JARID2: variants seen among roughly 807,000 people sequenced by gnomAD.
The protein encoded by JARID2 is protein Jumonji.
In JARID2, 21 loss-of-function variants were observed where a neutral mutation model predicts 125.6. The ratio of observed to expected loss-of-function variants is 0.17; its 90% CI spans 0.12 to 0.24. The LOEUF (loss-of-function observed/expected upper bound fraction) is 0.24. JARID2 is among the 10% of genes least tolerant of loss of function. The pLI is 1.00. For synonymous variants in JARID2, 736 were observed against 661.6 expected (o/e 1.11, Z -1.73); for missense variants, 1,303 against 1,639.6 (o/e 0.79, Z 3.55).
intron 5 of JARID2, among the ~76,000 whole-genome samples, chr6:15,483,752 C>G (rs1769734560): frequency 6.6e-6 from 1 of 151,838 alleles, no homozygotes; most frequent in Non-Finnish European, 1.5e-5. Context: ...TTTTTATTTC[C>G]CTTGTGTACA....
intron 12 of JARID2, chr6:15,509,258 G>T (rs1771159140): frequency 1.2e-5 from 14 of 1,202,410 alleles, no homozygotes; most frequent in African/African-American, 1.6e-5. Flanking sequence ...CAAATAATCA[G>T]ATGTCTTGTC....
intron 1 of JARID2, among the ~76,000 whole-genome samples, chr6:15,332,104 G>T (rs1007790407): frequency 2.6e-5 from 4 of 151,944 alleles, no homozygotes; most frequent in African/African-American, 9.7e-5. Flanking sequence ...GTTGCTCTTC[G>T]CCATATGTCA....
intron 1 of JARID2, among the ~76,000 whole-genome samples, chr6:15,307,193 G>C (rs2127421077): frequency 6.6e-6 from 1 of 152,194 alleles, no homozygotes; most frequent in East Asian, 2.0e-4. Context: ...AGTGAGCCGA[G>C]ACAGTTCCAC....
At chr6:15,289,953 AAAG>A (rs1325516102) in intron 1 of JARID2, among the ~76,000 whole-genome samples, 2 of 152,226 alleles carry the variant, frequency 1.3e-5, no homozygotes, top group African/African-American at 2.4e-5. Context: ...GTCTTCATGG[AAAG>A]AAGGAGGGAG....
intron 1 of JARID2, among the ~76,000 whole-genome samples, chr6:15,354,186 C>T (rs1320657129): frequency 6.6e-6 from 1 of 152,038 alleles, no homozygotes; most frequent in African/African-American, 2.4e-5. Context: ...GGCTCACTGT[C>T]AGAGCAAAAA....
At chr6:15,266,518 T>A (rs1469257613) in intron 1 of JARID2, among the ~76,000 whole-genome samples, 1 of 152,188 alleles carries the variant, frequency 6.6e-6, no homozygotes, top group Non-Finnish European at 1.5e-5. Flanking sequence ...TCATGGTCAT[T>A]GTTGTCAGCC....
At chr6:15,463,966 A>G (rs1283470889) in intron 4 of JARID2, among the ~76,000 whole-genome samples, 2 of 152,184 alleles carry the variant, frequency 1.3e-5, no homozygotes, top group Non-Finnish European at 2.9e-5. Context: ...TGAGATAATC[A>G]AGCTGGTATG....
chr6:15,413,144 C>T (rs543577600), intron 3 of JARID2, among the ~76,000 whole-genome samples: 246 of 151,326 alleles, frequency 1.6e-3, no homozygotes, highest in Non-Finnish European at 2.9e-3. Flanking sequence ...CTCAGCCTTC[C>T]GAGTAGCTGG....
intron 1 of JARID2, among the ~76,000 whole-genome samples, chr6:15,290,971 T>G (rs869251624): frequency 2.0e-5 from 3 of 152,046 alleles, no homozygotes; most frequent in Admixed American, 6.6e-5. Context: ...CCAGGTGCTG[T>G]GTGTAAGCCC....
chr6:15,471,230 C>T (rs1018023122), intron 5 of JARID2, among the ~76,000 whole-genome samples: 2 of 152,044 alleles, frequency 1.3e-5, no homozygotes, highest in African/African-American at 2.4e-5. Flanking sequence ...GAGAGACAAC[C>T]GAATTATTGA....
rs748623220 is a variant in JARID2, at chr6:15,497,073, G to A, written c.1848G>A (p.Lys616=). The A allele has an allele frequency of 9.6e-5, 154 of 1,600,318 alleles. 2 individuals are homozygous for A. The Middle Eastern group carries it at 1.5e-3, about 15-fold the overall frequency. Residue 616 remains lysine, a synonymous_variant, in exon 7 of 18, where the codon AAG becomes AAA. Coordinates refer to ENST00000341776, the MANE Select transcript of JARID2 (RefSeq NM_004973.4). ...TCACGCAGATTCAGCACATCCACAA[G>A]CTGGGCCGGCGCTGGGGCCCCAACG... ...RFVTQIQHIH[K]LGRRWGPNVQ... is the part of the protein sequence containing the mutation.
intron 4 of JARID2, among the ~76,000 whole-genome samples, chr6:15,452,432 T>C (rs1023037155): frequency 2.6e-5 from 4 of 152,214 alleles, no homozygotes; most frequent in African/African-American, 4.8e-5. Flanking sequence ...TGCACAATTA[T>C]GCAGTTTCTA....
At chr6:15,499,417 C>A (rs1002035706) in intron 7 of JARID2, among the ~76,000 whole-genome samples, 1 of 152,194 alleles carries the variant, frequency 6.6e-6, no homozygotes, top group Non-Finnish European at 1.5e-5. Context: ...AGAATTCTTG[C>A]AAGCGCTGTG....
In JARID2 at chr6:15,491,601, T is replaced by G. The variant is rs1238523980; in HGVS notation, c.906+4059T>G. Among the ~76,000 whole-genome samples the G allele has an allele frequency of 2.0e-5, 3 of 152,262 alleles. No individual in the cohort carries two copies. The East Asian group carries it at 5.8e-4, about 29-fold the overall frequency. Reference sequence around the variant, plus strand: ...TGGAGAAGAAGAACTTGCCAGTGAATCTGAGGTTGAACTGAGGACAGCGTC... The same window carrying G: ...TGGAGAAGAAGAACTTGCCAGTGAAGCTGAGGTTGAACTGAGGACAGCGTC... On this transcript the variant is annotated intron_variant, in intron 6 of 17. Transcript: ENST00000341776.
intron 3 of JARID2, among the ~76,000 whole-genome samples, chr6:15,433,500 G>A (rs1011064399): frequency 6.6e-6 from 1 of 150,440 alleles, no homozygotes; most frequent in African/African-American, 2.5e-5. Flanking sequence ...CCTACCTAAG[G>A]GCATGTCATC....
chr6:15,411,169 C>T (rs1163814425), intron 3 of JARID2, among the ~76,000 whole-genome samples: 6 of 138,598 alleles, frequency 4.3e-5, no homozygotes, highest in Non-Finnish European at 7.8e-5. Flanking sequence ...TGTTCGTTTC[C>T]GGGATTGAAG....
intron 3 of JARID2, among the ~76,000 whole-genome samples, chr6:15,416,403 G>C (rs1347712568): frequency 1.3e-5 from 2 of 152,218 alleles, no homozygotes; most frequent in African/African-American, 4.8e-5. Context: ...GCACCATTGA[G>C]CACTGAGTGA....
chr6:15,402,515 AAG>A (rs1350769696), intron 2 of JARID2, among the ~76,000 whole-genome samples: 2 of 152,198 alleles, frequency 1.3e-5, no homozygotes, highest in African/African-American at 4.8e-5. Flanking sequence ...ATCTGAACAC[AAG>A]ACTTTCCACA....
At chr6:15,389,086 A>G (rs1330224208) in intron 2 of JARID2, among the ~76,000 whole-genome samples, 4 of 152,160 alleles carry the variant, frequency 2.6e-5, no homozygotes, top group African/African-American at 9.7e-5. Flanking sequence ...TGGCTCTCAA[A>G]GTTATGCTGC....
Sources: gnomAD v4.1 joint callset for allele counts (sites outside exome capture counted in the v4.1 genomes callset) on GRCh38, gnomAD v4.1.1 for gene constraint, MANE v1.5 for transcripts, NCBI Gene and HGNC (gene_info 2026-07-23, HGNC 2026-07-21) for gene names.